MGAT4C: variants seen among roughly 807,000 people sequenced by gnomAD.
MGAT4C encodes the protein alpha-1,3-mannosyl-glycoprotein 4-beta-N-acetylglucosaminyltransferase C.
A neutral mutation model predicts 40.1 loss-of-function variants in MGAT4C; 19 were observed. That is an observed-to-expected ratio of 0.47 (90% CI 0.33 to 0.70). The LOEUF is 0.70. Among genes scored for constraint, MGAT4C ranks in the 30% least tolerant of loss-of-function variants. MGAT4C has a pLI of 0.02. For synonymous variants in MGAT4C, 181 were observed against 187.1 expected (o/e 0.97, Z 0.27); for missense variants, 491 against 563.2 (o/e 0.87, Z 1.30).
chr12:86,175,885 G>A (rs1022078529), intron 1 of MGAT4C, among the ~76,000 whole-genome samples: 1 of 151,978 alleles, frequency 6.6e-6, no homozygotes, highest in Non-Finnish European at 1.5e-5. Flanking sequence ...AAAGGAGAAT[G>A]GCGTGAACCC....
At position 85,970,885 on chromosome 12, in the gene MGAT4C, T is replaced by A. The variant is rs1049126063; in HGVS notation, c.*8404A>T. The A allele has an allele frequency of 1.3e-5, 2 of 151,300 alleles. No individual in the cohort carries two copies. The highest frequency in any genetic ancestry group is 4.8e-5 in the African/African-American group (2 of 41,354). 9.4% of individuals were successfully genotyped at this position (151,300 alleles called of 1,614,324 possible). A position where few individuals can be genotyped will look rare whatever the true frequency, so the allele number is the denominator to read the frequency against. ...CCTACCTACATAATGTCAATCTCTA[T>A]TGCTCCTAACACATGAGTGGCTAAA... On this transcript the variant is annotated 3_prime_UTR_variant, in exon 5 of 5. Transcript: ENST00000611864.
At chr12:86,408,611 C>T (rs1264906646) in intron 3 of MGAT4C, among the ~76,000 whole-genome samples, 1 of 150,176 alleles carries the variant, frequency 6.7e-6, no homozygotes, top group African/African-American at 2.4e-5. Context: ...TACCTAGAGT[C>T]TCTGTCTCTG....
rs1419221158 is a variant in MGAT4C at position 85,955,926 on chromosome 12, A to C, written c.*23363T>G. 3.9e-5 allele frequency: 6 copies of C among 152,204 alleles called. No individual in the cohort carries two copies. The highest frequency in any genetic ancestry group is 3.9e-4 in the Admixed American group (6 of 15,274). 9.4% of individuals were successfully genotyped at this position (152,204 alleles called of 1,614,324 possible). The stretch of plus-strand genomic sequence containing the variant: ...ATATACATTTCAATCAGTAAATATC[A>C]ACTACAAGGTTAGTGCAATTACACT... On this transcript the variant is annotated 3_prime_UTR_variant, in exon 5 of 5. Coordinates refer to ENST00000611864, the MANE Select transcript of MGAT4C (RefSeq NM_001351288.2).
chr12:86,572,581 A>G (rs1265562166), intron 2 of MGAT4C, among the ~76,000 whole-genome samples: 1 of 152,106 alleles, frequency 6.6e-6, no homozygotes, highest in Non-Finnish European at 1.5e-5. Context: ...CTGTGTAGAC[A>G]TACTGAACTA....
chr12:86,475,100 T>G (rs1957813075), intron 2 of MGAT4C, among the ~76,000 whole-genome samples: 1 of 152,110 alleles, frequency 6.6e-6, no homozygotes, highest in Non-Finnish European at 1.5e-5. Flanking sequence ...AAAGTCAGAA[T>G]GCTCTTTTTC....
chr12:85,980,030 AT>A lies in MGAT4C; in HGVS notation c.695del (p.Asn232IlefsTer3). On this transcript the variant is annotated frameshift_variant, in exon 5 of 5. Transcript: ENST00000611864. LOFTEE classifies it high-confidence loss of function. The stretch of plus-strand genomic sequence containing the variant: ...TGACTTTCTTGATGGCAGTTAAGAA[AT>A]TTTTTGAACATCGAACATCATCTTC... The part of the protein sequence containing the change: ...MLEDDVRCSK[N>X]FLTAIKKVIA... The A allele has an allele frequency of 6.2e-7, 1 of 1,613,750 alleles. No individual in the cohort carries two copies. Among genetic ancestry groups the A allele is most frequent in the Non-Finnish European group, 8.5e-7 (1 of 1,179,874 alleles).
chr12:86,244,398 T>G (rs550340210), intron 1 of MGAT4C, among the ~76,000 whole-genome samples: 5 of 152,296 alleles, frequency 3.3e-5, no homozygotes, highest in African/African-American at 1.2e-4. Context: ...TAGCTTTATC[T>G]CTCACCTCAG....
At chr12:86,619,867 A>T (rs908200630) in intron 2 of MGAT4C, among the ~76,000 whole-genome samples, 1 of 152,144 alleles carries the variant, frequency 6.6e-6, no homozygotes, top group African/African-American at 2.4e-5. Context: ...TAGCTTGCAA[A>T]CTTATTAAGG....
chr12:86,542,430 A>T (rs4445705), intron 2 of MGAT4C, among the ~76,000 whole-genome samples: 140,096 of 152,264 alleles, frequency 0.92, 64,555 homozygotes, highest in East Asian at 1. Context: ...TATCCACTCT[A>T]ACTGTGTAGA....
intron 1 of MGAT4C, among the ~76,000 whole-genome samples, chr12:86,806,482 C>CTA (rs1159971179): frequency 6.6e-6 from 1 of 151,518 alleles, no homozygotes; most frequent in East Asian, 2.0e-4. Flanking sequence ...TTATGTAGTT[C>CTA]TATATAACTT....
intron 4 of MGAT4C, among the ~76,000 whole-genome samples, chr12:86,280,785 T>G (rs1238832879): frequency 1.3e-5 from 2 of 152,068 alleles, no homozygotes; most frequent in Non-Finnish European, 2.9e-5. Flanking sequence ...AATTTCACTT[T>G]TGCTGACTTT....
intron 2 of MGAT4C, among the ~76,000 whole-genome samples, chr12:86,695,815 T>C (rs1950246893): frequency 6.6e-6 from 1 of 151,720 alleles, no homozygotes; most frequent in East Asian, 1.9e-4. Flanking sequence ...TGGGTATAGT[T>C]AATAGGTACA....
chr12:86,386,579 C>T (rs1261189308), intron 3 of MGAT4C, among the ~76,000 whole-genome samples: 1 of 152,164 alleles, frequency 6.6e-6, no homozygotes, highest in Non-Finnish European at 1.5e-5. Context: ...GAATTGTATA[C>T]ATAGCTTATT....
chr12:86,140,926 A>T (rs1417061413), intron 1 of MGAT4C, among the ~76,000 whole-genome samples: 1 of 152,108 alleles, frequency 6.6e-6, no homozygotes, highest in Non-Finnish European at 1.5e-5. Context: ...AATACCCCCA[A>T]CTTCCAAGTG....
intron 2 of MGAT4C, among the ~76,000 whole-genome samples, chr12:86,436,010 C>T (rs1957130083): frequency 6.6e-6 from 1 of 151,738 alleles, no homozygotes; most frequent in African/African-American, 2.4e-5. Flanking sequence ...TAAAAATAGT[C>T]TCAATTTGTG....
At chr12:86,306,397 C>T (rs1464909613) in intron 4 of MGAT4C, among the ~76,000 whole-genome samples, 1 of 150,434 alleles carries the variant, frequency 6.6e-6, no homozygotes. Flanking sequence ...TATACAATAA[C>T]ATGGATTAGT....
At chr12:86,721,753 G>A (rs143116468) in intron 2 of MGAT4C, among the ~76,000 whole-genome samples, 10 of 152,172 alleles carry the variant, frequency 6.6e-5, no homozygotes, top group African/African-American at 1.2e-4. Flanking sequence ...TTTATATAAC[G>A]TAAGATTGAA....
chr12:86,050,688 C>T (rs556653847), intron 1 of MGAT4C, among the ~76,000 whole-genome samples: 2 of 152,074 alleles, frequency 1.3e-5, no homozygotes, highest in East Asian at 1.9e-4. Flanking sequence ...TTAAATGTGC[C>T]GTGGTCAGCT....
rs146100363 is a variant in MGAT4C, at chr12:86,034,434, T to C, written c.-7+15240A>G. Among the ~76,000 whole-genome samples the C allele has an allele frequency of 7.3e-3, 1,098 of 149,602 alleles. 35 individuals carry two copies. Among genetic ancestry groups the C allele is most frequent in the African/African-American group, 0.025 (1,015 of 41,320 alleles). Reference sequence around the variant, plus strand: ...ATTACTGATCTTATATTGGAAGTCATTGGTCTCCAGGGATTCACTTTCTTT... The same window carrying C: ...ATTACTGATCTTATATTGGAAGTCACTGGTCTCCAGGGATTCACTTTCTTT... On this transcript the variant is annotated intron_variant, in intron 2 of 4. Coordinates refer to ENST00000611864, the MANE Select transcript of MGAT4C (RefSeq NM_001351288.2).
Sources: allele counts gnomAD v4.1 joint callset (sites outside exome capture counted in the v4.1 genomes callset), GRCh38; gene constraint gnomAD v4.1.1; transcripts MANE v1.5; gene names NCBI Gene and HGNC (gene_info 2026-07-23, HGNC 2026-07-21).